Variants in SEMA3D observed in about 807,000 individuals in gnomAD.
SEMA3D encodes semaphorin 3D.
A neutral mutation model predicts 100.1 loss-of-function variants in SEMA3D; 84 were observed. That is an observed-to-expected ratio of 0.84 (90% CI 0.70 to 1.01). The LOEUF is 1.01. SEMA3D is among the 50% of genes least tolerant of loss of function. The probability of loss-of-function intolerance (pLI) is 0.00; values close to 1 mark genes in which losing one functional copy is unlikely to be tolerated. For synonymous variants in SEMA3D, 312 were observed against 320.7 expected (o/e 0.97, Z 0.29); for missense variants, 875 against 934.1 (o/e 0.94, Z 0.82).
chr7:85,212,409 C>G, the SEMA3D span, among the ~76,000 whole-genome samples: 2 of 152,078 alleles, frequency 1.3e-5, no homozygotes, highest in African/African-American at 2.4e-5. Flanking sequence ...ACCCTTCAGC[C>G]TTAGAATAGC....
chr7:85,167,537 C>T lies in SEMA3D; in HGVS notation c.-172-13798G>A, dbSNP rs116699502. 502 of 236,570 alleles carry T rather than the reference C, an allele frequency of 2.1e-3. 1 individual carries two copies. The highest frequency in any genetic ancestry group is 0.011 in the African/African-American group (468 of 42,886). 14.7% of individuals were successfully genotyped at this position (236,570 alleles called of 1,614,324 possible). ...ATCTTAATTTATTGTTATAAATACA[C>T]GAAATATCTTCAAGAAGCATTATAA... On this transcript the variant is annotated intron_variant, in intron 1 of 18. Coordinates refer to ENST00000284136, the MANE Select transcript of SEMA3D (RefSeq NM_001384900.1).
At chr7:85,214,223 T>G in the SEMA3D span, among the ~76,000 whole-genome samples, 16 of 152,086 alleles carry the variant, frequency 1.1e-4, no homozygotes, top group Non-Finnish European at 2.2e-4. Flanking sequence ...CTCTTTAGAG[T>G]GAAATAACTA....
At chr7:85,142,458 T>C in intron 2 of SEMA3D, 1 of 967,318 alleles carries the variant, frequency 1.0e-6, no homozygotes, top group Non-Finnish European at 1.2e-6. Context: ...AAGACACAGA[T>C]TACATCAGGG....
At chr7:85,055,302 A>G (rs2116076475) in intron 9 of SEMA3D, among the ~76,000 whole-genome samples, 1 of 152,150 alleles carries the variant, frequency 6.6e-6, no homozygotes, top group Non-Finnish European at 1.5e-5. Context: ...TTAACATTAT[A>G]TAAAAACATT....
At chr7:85,143,326 G>T (rs1407245952) in intron 2 of SEMA3D, 7 of 373,288 alleles carry the variant, frequency 1.9e-5, no homozygotes, top group Non-Finnish European at 3.7e-6. Flanking sequence ...TTAACAATGA[G>T]AATATGTTCT....
At chr7:85,192,477 C>T in the SEMA3D span, among the ~76,000 whole-genome samples, 1 of 152,048 alleles carries the variant, frequency 6.6e-6, no homozygotes, top group African/African-American at 2.4e-5. Context: ...TAGTAGGGCA[C>T]TTCTAATCTT....
intron 5 of SEMA3D, among the ~76,000 whole-genome samples, chr7:85,079,804 T>C (rs1243965433): frequency 6.6e-6 from 1 of 152,210 alleles, no homozygotes; most frequent in Non-Finnish European, 1.5e-5. Context: ...ATGCTGGTTA[T>C]GCCATGCTTA....
intron 5 of SEMA3D, 54 bp downstream of exon 5, chr7:85,081,463 G>A (rs1788061496): frequency 1.8e-6 from 2 of 1,128,066 alleles, no homozygotes; most frequent in Non-Finnish European, 2.7e-6. Flanking sequence ...ATAAATATTT[G>A]CTATCATATC....
chr7:85,142,309 C>A (rs574535587), intron 2 of SEMA3D: 5 of 977,252 alleles, frequency 5.1e-6, no homozygotes, highest in Middle Eastern at 5.2e-4. Flanking sequence ...TTTATCTACA[C>A]CCTCAGTGTC....
intron 12 of SEMA3D, among the ~76,000 whole-genome samples, chr7:85,031,333 TTAACTTAAGTGTAATATGGC>T (rs1790543058): frequency 1.3e-5 from 2 of 152,000 alleles, no homozygotes; most frequent in Non-Finnish European, 2.9e-5. Flanking sequence ...CGTTAAAGCT[TTAACTTAAGTGTAATATGGC>T]TTTTAGTAAA....
rs200188032 is a variant in SEMA3D, at chr7:85,163,460, G to GA, written c.-172-9722dup. Among the ~76,000 whole-genome samples the GA allele has an allele frequency of 2.3e-3, 333 of 145,860 alleles. 1 individual carries two copies. Among genetic ancestry groups the GA allele is most frequent in the African/African-American group, 7.1e-3 (283 of 39,740 alleles). Reference sequence around the variant, plus strand: ...CTTCAAAGATCAGAAATGGAATCTGGAAAAAAAAAGGCTATAAAAATGATC... The same window carrying GA: ...CTTCAAAGATCAGAAATGGAATCTGGAAAAAAAAAAGGCTATAAAAATGATC... On this transcript the variant is annotated intron_variant, in intron 1 of 18. Transcript: ENST00000284136.
At chr7:85,122,065 C>A in intron 2 of SEMA3D, 134 bp from the exon 3 acceptor site, 1 of 506,820 alleles carries the variant, frequency 2.0e-6, no homozygotes, top group Non-Finnish European at 3.4e-6. Context: ...GGGAGGGGAA[C>A]ATAGCATACC....
chr7:85,156,929 T>C (rs1790614440), intron 1 of SEMA3D, among the ~76,000 whole-genome samples: 1 of 152,178 alleles, frequency 6.6e-6, no homozygotes, highest in Non-Finnish European at 1.5e-5. Context: ...CATGCTTTGT[T>C]TGGAATAATG....
chr7:85,135,770 G>A (rs1449785095), intron 2 of SEMA3D, among the ~76,000 whole-genome samples: 2 of 130,858 alleles, frequency 1.5e-5, no homozygotes, highest in African/African-American at 6.3e-5. Context: ...TCCTATCCCT[G>A]TTGGCTCAGT....
At chr7:85,016,186 A>G (rs931301381) in intron 15 of SEMA3D, among the ~76,000 whole-genome samples, 66 of 149,082 alleles carry the variant, frequency 4.4e-4, no homozygotes, top group African/African-American at 7.4e-5. Context: ...GTTCCTTGAA[A>G]CTTTCTCTGC....
At chr7:85,180,596 T>G (rs1791374674) in intron 1 of SEMA3D, among the ~76,000 whole-genome samples, 1 of 152,232 alleles carries the variant, frequency 6.6e-6, no homozygotes, top group Non-Finnish European at 1.5e-5. Context: ...ATAGTACAGA[T>G]AAGTCTGCCA....
At chr7:85,059,249 A>G (rs1033473754) in intron 8 of SEMA3D, among the ~76,000 whole-genome samples, 4 of 152,226 alleles carry the variant, frequency 2.6e-5, no homozygotes, top group African/African-American at 4.8e-5. Flanking sequence ...ACGGGATGGG[A>G]AAAAGATACA....
intron 3 of SEMA3D, among the ~76,000 whole-genome samples, chr7:85,098,951 T>G (rs1463440783): frequency 1.3e-5 from 2 of 151,974 alleles, no homozygotes; most frequent in Non-Finnish European, 2.9e-5. Flanking sequence ...CAGATTGGCT[T>G]CTTTCACTTA....
At chr7:85,042,762 C>T (rs1331452079) in intron 9 of SEMA3D, among the ~76,000 whole-genome samples, 1 of 152,124 alleles carries the variant, frequency 6.6e-6, no homozygotes, top group Non-Finnish European at 1.5e-5. Context: ...TTGCCTCAAA[C>T]TCCTGGGCTC....
Sources: allele counts gnomAD v4.1 joint callset (sites outside exome capture counted in the v4.1 genomes callset), GRCh38; gene constraint gnomAD v4.1.1; transcripts MANE v1.5; gene names NCBI Gene and HGNC (gene_info 2026-07-23, HGNC 2026-07-21).